TERB2: variants seen among roughly 807,000 people sequenced by gnomAD.
TERB2 encodes the protein telomere repeat binding bouquet formation protein 2.
Under a neutral mutation model 29.8 loss-of-function variants are expected in TERB2, and 26 were observed. The observed-to-expected ratio is 0.87, with a 90% CI of 0.64 to 1.21. TERB2 has a LOEUF of 1.21. TERB2 is among the 50% of genes most tolerant of loss of function. TERB2 has a pLI of 0.00. For missense variants in TERB2, 240 were observed against 268.6 expected (o/e 0.89, Z 0.74); for synonymous variants, 80 against 90.8 (o/e 0.88, Z 0.68).
chr15:44,957,736 T>A (rs1018373873), intron 2 of TERB2, among the ~76,000 whole-genome samples: 3 of 152,110 alleles, frequency 2.0e-5, no homozygotes, highest in Non-Finnish European at 2.9e-5. Flanking sequence ...CCCCTTCGCA[T>A]GGCTATCAGA....
chr15:44,967,410 A>T (rs1159319070), intron 5 of TERB2, among the ~76,000 whole-genome samples: 1 of 152,270 alleles, frequency 6.6e-6, no homozygotes, highest in African/African-American at 2.4e-5. Context: ...TAGCTAGAGT[A>T]ATCAGTCTAA....
chr15:44,963,209 CG>C (rs1891833660), intron 4 of TERB2, among the ~76,000 whole-genome samples: 1 of 152,132 alleles, frequency 6.6e-6, no homozygotes, highest in South Asian at 2.1e-4. Flanking sequence ...AGTAAAACAG[CG>C]TATCTTTACA....
At chr15:44,962,456 T>C (rs1270062874) in intron 4 of TERB2, among the ~76,000 whole-genome samples, 1 of 152,226 alleles carries the variant, frequency 6.6e-6, no homozygotes, top group African/African-American at 2.4e-5. Flanking sequence ...CCCAAAGTGC[T>C]GGGATTACAG....
intron 3 of TERB2, among the ~76,000 whole-genome samples, chr15:44,960,740 T>C (rs1891787782): frequency 6.6e-6 from 1 of 152,166 alleles, no homozygotes; most frequent in Non-Finnish European, 1.5e-5. Flanking sequence ...TACATGTAGC[T>C]AGTGGCTGCC....
intron 5 of TERB2, among the ~76,000 whole-genome samples, chr15:44,966,993 G>C (rs903404969): frequency 5.3e-5 from 8 of 152,282 alleles, no homozygotes; most frequent in African/African-American, 1.9e-4. Flanking sequence ...CCAGCTATTT[G>C]GAGGCTGAGG....
At chr15:44,968,882 AGAG>A (rs1471685251) in intron 5 of TERB2, among the ~76,000 whole-genome samples, 2 of 152,136 alleles carry the variant, frequency 1.3e-5, no homozygotes, top group African/African-American at 4.8e-5. Context: ...TATGGTATAA[AGAG>A]GAGTTTTTTT....
intron 4 of TERB2, among the ~76,000 whole-genome samples, chr15:44,965,840 A>G (rs777086184): frequency 4.6e-5 from 7 of 151,716 alleles, no homozygotes; most frequent in Non-Finnish European, 7.4e-5. Context: ...ATATAACCAC[A>G]TTAGAGGAAA....
At chr15:44,975,722 T>C (rs1892036681) in intron 6 of TERB2, among the ~76,000 whole-genome samples, 1 of 151,770 alleles carries the variant, frequency 6.6e-6, no homozygotes, top group South Asian at 2.1e-4. Flanking sequence ...CTCCCCCAGT[T>C]GTGACAACCA....
chr15:44,956,988 C>T lies in TERB2; in HGVS notation c.146+11C>T, dbSNP rs781010185. On this transcript the variant is annotated intron_variant, in intron 2 of 6. Coordinates refer to ENST00000340827, the MANE Select transcript of TERB2 (RefSeq NM_152448.3). ...CCCAGACACGCTGAGGTACTGAGGG[C>T]GACCTGGCAGTGCCTCTTATGTTAG... The T allele has an allele frequency of 3.7e-6, 6 of 1,609,330 alleles. No individual in the cohort carries two copies. Among genetic ancestry groups the T allele is most frequent in the South Asian group, 3.3e-5 (3 of 91,014 alleles).
At chr15:44,967,426 T>C (rs372609) in intron 5 of TERB2, among the ~76,000 whole-genome samples, 8,576 of 152,078 alleles carry the variant, frequency 0.056, 503 homozygotes, top group African/African-American at 0.15. Flanking sequence ...TCTAAAGCAT[T>C]TATTGAGGGA....
intron 5 of TERB2, among the ~76,000 whole-genome samples, chr15:44,969,792 T>C (rs1275345917): frequency 2.9e-5 from 4 of 136,764 alleles, no homozygotes; most frequent in Non-Finnish European, 6.2e-5. Flanking sequence ...AGTGAGGCCA[T>C]GTATCAAAAA....
At position 44,958,602 on chromosome 15, in the gene TERB2, T is replaced by C. The variant is rs1025822488; in HGVS notation, c.286+90T>C. On this transcript the variant is annotated intron_variant, in intron 3 of 6. Coordinates refer to ENST00000340827, the MANE Select transcript of TERB2 (RefSeq NM_152448.3). ...GCCAAATTCAACTGTACTTATTTTG[T>C]TCTCAGTCACATATTTTTGAATTTT... 57 of 1,340,414 alleles carry C rather than the reference T, an allele frequency of 4.3e-5. No individual in the cohort carries two copies. In the African/African-American group the frequency reaches 5.9e-4, roughly 14 times the overall value. The allele number at this position is 1,340,414 out of a possible 1,614,324, so 83.0% of individuals were successfully genotyped here. A position where few individuals can be genotyped will look rare whatever the true frequency, so the allele number is the denominator to read the frequency against.
At chr15:44,969,631 A>T (rs1474223900) in intron 5 of TERB2, among the ~76,000 whole-genome samples, 1 of 150,656 alleles carries the variant, frequency 6.6e-6, no homozygotes, top group Non-Finnish European at 1.5e-5. Flanking sequence ...ACTACAAAAG[A>T]TAAAAAAAAA....
intron 4 of TERB2, among the ~76,000 whole-genome samples, chr15:44,965,545 T>A (rs1327080262): frequency 1.4e-5 from 2 of 144,576 alleles, no homozygotes; most frequent in Non-Finnish European, 3.0e-5. Flanking sequence ...TACATTTATA[T>A]ATTATATATT....
chr15:44,962,470 T>A (rs965911104), intron 4 of TERB2, among the ~76,000 whole-genome samples: 137 of 152,154 alleles, frequency 9.0e-4, no homozygotes, highest in African/African-American at 3.2e-3. Flanking sequence ...ATTACAGGCG[T>A]GAGCCACCGC....
intron 5 of TERB2, among the ~76,000 whole-genome samples, chr15:44,968,859 C>T (rs1422594022): frequency 2.6e-5 from 4 of 151,948 alleles, no homozygotes; most frequent in South Asian, 2.1e-4. Context: ...TGTAAATTAT[C>T]GGATGTGGAA....
chr15:44,969,798 A>C (rs76056563), intron 5 of TERB2, among the ~76,000 whole-genome samples: 1 of 74,724 alleles, frequency 1.3e-5, no homozygotes, highest in Non-Finnish European at 2.6e-5. Context: ...GCCATGTATC[A>C]AAAAAAAAAA....
chr15:44,972,511 T>G (rs1300719926), intron 5 of TERB2, among the ~76,000 whole-genome samples: 3 of 136,844 alleles, frequency 2.2e-5, no homozygotes, highest in African/African-American at 1.0e-4. Flanking sequence ...GTTGAGATCC[T>G]TTTAGCTTTT....
At chr15:44,957,098 C>CA (rs1891727870) in intron 2 of TERB2, 121 bp downstream of exon 2, 2 of 1,060,444 alleles carry the variant, frequency 1.9e-6, no homozygotes, top group Non-Finnish European at 2.8e-6. Flanking sequence ...CCTATAATCC[C>CA]AGCTACTGGG....
Sources: allele counts gnomAD v4.1 joint callset (sites outside exome capture counted in the v4.1 genomes callset), GRCh38; gene constraint gnomAD v4.1.1; transcripts MANE v1.5; gene names NCBI Gene and HGNC (gene_info 2026-07-23, HGNC 2026-07-21).